HIRA: variants seen among roughly 807,000 people sequenced by gnomAD.
HIRA encodes histone cell cycle regulator.
HIRA carries 13 observed loss-of-function variants against 126.6 expected under a neutral mutation model. That is an observed-to-expected ratio of 0.10 (90% CI 0.07 to 0.16). HIRA has a LOEUF of 0.16. HIRA is among the 10% of genes least tolerant of loss of function. The pLI is 1.00. For missense variants in HIRA, 834 were observed against 1,314.4 expected, an observed-to-expected ratio of 0.63 and a Z score of 5.65; for synonymous variants, 511 against 520.0, an observed-to-expected ratio of 0.98 and a Z score of 0.24.
rs55892459 is a variant in HIRA, at chr22:19,385,773, A to C, written c.1114-37T>G. 2.1e-3 allele frequency: 3,384 copies of C among 1,586,308 alleles called. 63 individuals carry two copies. The East Asian group carries it at 0.031, about 15-fold the overall frequency. ...AGGAGAGGCATGACATGCCAGCATG[A>C]GTGCCAGTGTGGCCAGTGCTGCCCA... On this transcript the variant is annotated intron_variant, in intron 11 of 24. Coordinates refer to ENST00000263208, the MANE Select transcript of HIRA (RefSeq NM_003325.4).
At position 19,361,345 on chromosome 22, in the gene HIRA, G is replaced by C. The variant is rs1356869330; in HGVS notation, c.1981-4C>G. On this transcript the variant is annotated splice_region_variant and splice_polypyrimidine_tract_variant and intron_variant, in intron 16 of 24. Coordinates refer to ENST00000263208, the MANE Select transcript of HIRA (RefSeq NM_003325.4). Reference sequence around the variant, plus strand: ...CTGCGGTTAGGGCAGCTGGAGACTGGAAGAGCCAGAAACGTTCCTGAGCCT... The same window carrying C: ...CTGCGGTTAGGGCAGCTGGAGACTGCAAGAGCCAGAAACGTTCCTGAGCCT... The C allele has an allele frequency of 6.2e-7, 1 of 1,613,256 alleles. No individual in the cohort carries two copies. The highest frequency in any genetic ancestry group is 1.3e-5 in the African/African-American group (1 of 74,928).
intron 1 of HIRA, among the ~76,000 whole-genome samples, chr22:19,420,040 TTGTGTGTGTGTGTGTG>T (rs59900884): frequency 2.1e-3 from 308 of 147,318 alleles, no homozygotes; most frequent in Middle Eastern, 3.4e-3. Flanking sequence ...CATACAACCA[TTGTGTGTGTGTGTGTG>T]TGTGTGTGTG....
chr22:19,411,612 C>T (rs566535551), intron 1 of HIRA, among the ~76,000 whole-genome samples: 2 of 152,378 alleles, frequency 1.3e-5, no homozygotes, highest in Admixed American at 6.5e-5. Flanking sequence ...GCCTCTAGCA[C>T]AGTACCCAGT....
chr22:19,428,312 T>TA (rs2089504120), intron 1 of HIRA, among the ~76,000 whole-genome samples: 1 of 152,204 alleles, frequency 6.6e-6, no homozygotes, highest in Non-Finnish European at 1.5e-5. Flanking sequence ...TTTTGGTTGA[T>TA]ACAACTAGAA....
chr22:19,387,220 C>G (rs892568440), intron 11 of HIRA, among the ~76,000 whole-genome samples: 2 of 152,224 alleles, frequency 1.3e-5, no homozygotes, highest in Non-Finnish European at 2.9e-5. Flanking sequence ...AAGAGCCATG[C>G]TATTTTCTGA....
rs764017914 is a variant in HIRA at position 19,378,022 on chromosome 22, G to C, written c.1460C>G (p.Ser487Cys). ...AGAAGAGAGCATGGTGCCCGCCAGG[G>C]AGCCCGAGAGGGGGATGCTGTTAAA... The part of the protein sequence containing the change: ...AFFNSIPLSG[S>C]LAGTMLSSHS... Residue 487 changes from serine to cysteine, a missense_variant, in exon 14 of 25, where the codon TCC (serine) becomes TGC (cysteine). Around this residue, in one of 5 missense-constraint regions of HIRA, gnomAD observed 468 missense variants for 574.2 expected, o/e 0.82. Transcript: ENST00000263208. 18 of 1,604,006 alleles carry C rather than the reference G, an allele frequency of 1.1e-5. No individual in the cohort carries two copies. Among genetic ancestry groups the C allele is most frequent in the Non-Finnish European group, 1.5e-5 (18 of 1,174,660 alleles).
At position 19,394,236 on chromosome 22, in the gene HIRA, G is replaced by T. The variant is rs868619808; in HGVS notation, c.822+106C>A. The T allele has an allele frequency of 3.8e-5, 51 of 1,337,840 alleles. 4 individuals are homozygous for T. The Middle Eastern group carries it at 8.4e-3, about 220-fold the overall frequency. 82.9% of individuals were successfully genotyped at this position (1,337,840 alleles called of 1,614,324 possible). On this transcript the variant is annotated intron_variant, in intron 8 of 24. Transcript: ENST00000263208. Reference sequence around the variant, plus strand: ...ATCAACCAAGTACATACTCTATTTTGTAAAATTAGCTTTTAAATATTTAAG... The same window carrying T: ...ATCAACCAAGTACATACTCTATTTTTTAAAATTAGCTTTTAAATATTTAAG...
At chr22:19,333,082 T>C (rs2088512387) in intron 24 of HIRA, among the ~76,000 whole-genome samples, 1 of 152,076 alleles carries the variant, frequency 6.6e-6, no homozygotes, top group Non-Finnish European at 1.5e-5. Context: ...CTAATTTTTA[T>C]ATATTTAGTA....
At chr22:19,390,780 C>T (rs2089173747) in intron 9 of HIRA, among the ~76,000 whole-genome samples, 1 of 151,922 alleles carries the variant, frequency 6.6e-6, no homozygotes, top group African/African-American at 2.4e-5. Flanking sequence ...AAGCACTTAT[C>T]TGTCTTGGTT....
chr22:19,364,939 C>T (rs1305660819), intron 15 of HIRA, among the ~76,000 whole-genome samples: 1 of 152,176 alleles, frequency 6.6e-6, no homozygotes, highest in Non-Finnish European at 1.5e-5. Context: ...AGTGCTACTC[C>T]AGTGAACACA....
chr22:19,341,400 G>T (rs976898117), intron 24 of HIRA, among the ~76,000 whole-genome samples: 3 of 146,410 alleles, frequency 2.0e-5, no homozygotes, highest in Non-Finnish European at 4.5e-5. Flanking sequence ...CATGAGCCGA[G>T]ATTGTGCCAC....
rs372772709 is a variant in HIRA at position 19,361,799 on chromosome 22, C to T, written c.1908G>A (p.Glu636=). 20 of 1,614,126 alleles carry T rather than the reference C, an allele frequency of 1.2e-5. No individual in the cohort carries two copies. The highest frequency in any genetic ancestry group is 3.4e-4 in the Middle Eastern group (2 of 5,952). Residue 636 remains glutamate (E), a synonymous_variant, in exon 16 of 25, where the codon GAG becomes GAA. Transcript: ENST00000263208. ...LSKRKLELEV[E]TVEKKKKGRP... Reference sequence around the variant, plus strand: ...GCCCTTTCTTCTTCTTCTCTACTGTCTCTACCTCAAGCTCAAGTTTTCGCT... The same window carrying T: ...GCCCTTTCTTCTTCTTCTCTACTGTTTCTACCTCAAGCTCAAGTTTTCGCT...
At chr22:19,420,664 A>G (rs1601860755) in intron 1 of HIRA, among the ~76,000 whole-genome samples, 1 of 152,050 alleles carries the variant, frequency 6.6e-6, no homozygotes, top group South Asian at 2.1e-4. Context: ...GCAGTGAACT[A>G]TGGTCATGCC....
At chr22:19,402,122 A>G (rs557463585) in intron 5 of HIRA, among the ~76,000 whole-genome samples, 9 of 152,302 alleles carry the variant, frequency 5.9e-5, no homozygotes, top group Admixed American at 4.6e-4. Context: ...AACTCCTTAC[A>G]GGACTCTGCC....
chr22:19,331,170 T>C lies in HIRA; in HGVS notation c.*270A>G, dbSNP rs2088480730. Reference sequence around the variant, plus strand: ...GACGGCAGGCCTGGGACTGCCTTGCTGGCCCCAGGGCACCTGGGCAGAGCT... The same window carrying C: ...GACGGCAGGCCTGGGACTGCCTTGCCGGCCCCAGGGCACCTGGGCAGAGCT... On this transcript the variant is annotated 3_prime_UTR_variant, in exon 25 of 25. Transcript: ENST00000263208. 4 of 1,385,054 alleles carry C rather than the reference T, an allele frequency of 2.9e-6. No homozygotes were observed. Among genetic ancestry groups the C allele is most frequent in the Non-Finnish European group, 3.8e-6 (4 of 1,049,778 alleles). 85.8% of individuals were successfully genotyped at this position (1,385,054 alleles called of 1,614,324 possible).
chr22:19,347,156 C>A (rs782721905), intron 24 of HIRA, among the ~76,000 whole-genome samples: 12 of 152,170 alleles, frequency 7.9e-5, no homozygotes, highest in Non-Finnish European at 1.6e-4. Context: ...GTAGATGGCT[C>A]ATCGGCCTGT....
intron 15 of HIRA, among the ~76,000 whole-genome samples, chr22:19,367,583 T>G (rs1220311988): frequency 6.6e-6 from 1 of 152,160 alleles, no homozygotes; most frequent in Admixed American, 6.5e-5. Context: ...GCCAGGGTGG[T>G]CTCGAATTCC....
chr22:19,379,951 G>A (rs1158320372), intron 13 of HIRA, among the ~76,000 whole-genome samples: 1 of 152,048 alleles, frequency 6.6e-6, no homozygotes, highest in Non-Finnish European at 1.5e-5. Context: ...TGGGACTACA[G>A]GGGCGTGCCA....
chr22:19,390,321 G>A (rs1266036071), intron 9 of HIRA, among the ~76,000 whole-genome samples: 1 of 152,102 alleles, frequency 6.6e-6, no homozygotes, highest in African/African-American at 2.4e-5. Flanking sequence ...GGCTGGGTGT[G>A]GTGGCTCACA....
Sources: gnomAD v4.1 joint callset for allele counts (sites outside exome capture counted in the v4.1 genomes callset) on GRCh38, gnomAD v4.1.1 for gene constraint, gnomAD v4.1.1 regional missense constraint, MANE v1.5 for transcripts, NCBI Gene and HGNC (gene_info 2026-07-23, HGNC 2026-07-21) for gene names.